SLC18B1: variants seen among roughly 807,000 people sequenced by gnomAD.
SLC18B1 encodes the protein MFS-type transporter SLC18B1.
Under a neutral mutation model 53.9 loss-of-function variants are expected in SLC18B1, and 62 were observed. That is an observed-to-expected ratio of 1.15 (90% CI 0.94 to 1.42). SLC18B1 has a LOEUF of 1.42. Ranked by LOEUF, SLC18B1 falls within the 40% of genes most tolerant of loss-of-function variation. The pLI is 0.00. For synonymous variants in SLC18B1, 217 were observed against 200.9 expected, an observed-to-expected ratio of 1.08 and a Z score of -0.68; for missense variants, 598 against 547.3, an observed-to-expected ratio of 1.09 and a Z score of -0.93.
chr6:132,779,285 G>A lies in SLC18B1; in HGVS notation c.778C>T (p.Leu260Phe), dbSNP rs768218299. Residue 260 changes from leucine (L) to phenylalanine (F), a missense_variant, in exon 7 of 14, where the codon CTC becomes TTC. Transcript: ENST00000275227. ...TAACTTACCTTCTCCAAAACAAAGAGAGACAGAGTAGGATCGAGGAAGCCA... is the reference window on the plus strand; with the variant it reads ...TAACTTACCTTCTCCAAAACAAAGAAAGACAGAGTAGGATCGAGGAAGCCA... ...CFGFLDPTLS[L>F]FVLEKFNLPA... is the part of the protein sequence containing the mutation. 1.2e-6 allele frequency: 2 copies of A among 1,613,996 alleles called. No homozygotes were observed. The highest frequency in any genetic ancestry group is 3.3e-5 in the Admixed American group (2 of 60,020).
At chr6:132,780,106 T>G (rs11965912) in intron 6 of SLC18B1, among the ~76,000 whole-genome samples, 1 of 151,726 alleles carries the variant, frequency 6.6e-6, no homozygotes, top group African/African-American at 2.4e-5. Flanking sequence ...TTTTCTTTTT[T>G]TTTTTTAAGA....
intron 2 of SLC18B1, among the ~76,000 whole-genome samples, chr6:132,790,882 A>G (rs1781506022): frequency 6.6e-6 from 1 of 152,186 alleles, no homozygotes. Flanking sequence ...CAGCCAAGGT[A>G]GTTTATCATC....
At chr6:132,785,425 A>C (rs1781344625) in intron 5 of SLC18B1, among the ~76,000 whole-genome samples, 1 of 152,252 alleles carries the variant, frequency 6.6e-6, no homozygotes, top group Non-Finnish European at 1.5e-5. Flanking sequence ...ATTTTAAATC[A>C]ATCTAGTTTT....
intron 2 of SLC18B1, among the ~76,000 whole-genome samples, chr6:132,792,280 A>AAAGAAAGAAAGAAAGAAAG (rs1554223267): frequency 6.3e-4 from 27 of 42,698 alleles, no homozygotes; most frequent in African/African-American, 3.2e-3. Flanking sequence ...AGAAAGAAAG[A>AAAGAAAGAAAGAAAGAAAG]AAGGAAGAAA....
intron 4 of SLC18B1, among the ~76,000 whole-genome samples, chr6:132,788,523 T>C (rs933578642): frequency 1.3e-5 from 2 of 152,132 alleles, no homozygotes; most frequent in Non-Finnish European, 2.9e-5. Context: ...TAAACCTTTT[T>C]AGAATATGTA....
At chr6:132,770,377 A>G (rs1347183270) in intron 13 of SLC18B1, 41 bp from the exon 14 acceptor site, 2 of 1,527,538 alleles carry the variant, frequency 1.3e-6, no homozygotes, top group African/African-American at 1.4e-5. Context: ...AATATTTCTC[A>G]TCTTAAAAAC....
chr6:132,791,947 G>A (rs1468792736), intron 2 of SLC18B1, among the ~76,000 whole-genome samples: 1 of 152,054 alleles, frequency 6.6e-6, no homozygotes, highest in Non-Finnish European at 1.5e-5. Flanking sequence ...AAATATGCGT[G>A]CCGGGCATGG....
At chr6:132,792,383 AGAAAGAAG>A (rs1221459058) in intron 2 of SLC18B1, among the ~76,000 whole-genome samples, 1 of 148,192 alleles carries the variant, frequency 6.7e-6, no homozygotes, top group Admixed American at 6.7e-5. Flanking sequence ...GGAAAGAAAG[AGAAAGAAG>A]GAAAGAAGGA....
chr6:132,777,089 C>T (rs1439464991), intron 7 of SLC18B1, among the ~76,000 whole-genome samples: 4 of 152,036 alleles, frequency 2.6e-5, no homozygotes, highest in Admixed American at 6.6e-5. Flanking sequence ...GGTGTGGTGG[C>T]GCATGGCTGT....
At chr6:132,795,839 C>T (rs1176477936) in intron 2 of SLC18B1, among the ~76,000 whole-genome samples, 1 of 152,174 alleles carries the variant, frequency 6.6e-6, no homozygotes, top group Non-Finnish European at 1.5e-5. Context: ...AAGGAATAGG[C>T]CCTATTAATC....
rs1781045601 is a variant in SLC18B1, at chr6:132,774,223, T to C, written c.988A>G (p.Ser330Gly). The part of the protein sequence containing the change: ...LGPVPILHIK[S>G]QLWLLVLILV... ...CATACAGAAGAAGAAAAAAATTACCTTTTAATATGCAAGATTGGGACAGGC... is the reference window on the plus strand; with the variant it reads ...CATACAGAAGAAGAAAAAAATTACCCTTTAATATGCAAGATTGGGACAGGC... The change falls in exon 9 of 14, where the codon AGT becomes GGT. Residue 330 changes from serine (S) to glycine (G), a missense_variant and splice_region_variant. Physicochemically the swap from Ser to Gly is moderately conservative, Grantham distance 56. Coordinates refer to ENST00000275227, the MANE Select transcript of SLC18B1 (RefSeq NM_052831.3). 6.3e-7 allele frequency: 1 copy of C among 1,590,026 alleles called. No homozygotes were observed. Among genetic ancestry groups the C allele is most frequent in the Non-Finnish European group, 8.5e-7 (1 of 1,170,034 alleles).
chr6:132,790,335 A>G, intron 2 of SLC18B1, 63 bp from the exon 3 acceptor site: 1 of 1,169,012 alleles, frequency 8.6e-7, no homozygotes, highest in South Asian at 1.5e-5. Flanking sequence ...GAAAAAATGG[A>G]AATAATAGAT....
intron 1 of SLC18B1, 112 bp downstream of exon 1, chr6:132,798,302 T>G: frequency 8.3e-7 from 1 of 1,210,836 alleles, no homozygotes; most frequent in Non-Finnish European, 1.1e-6. Context: ...GCCCCAGCCT[T>G]TTCCAATCTC....
Position 132,797,088 on chromosome 6 carries a change from G to A in SLC18B1, c.77C>T (p.Pro26Leu). ...DDPAGSAGETPGWLSREQVFV... is the reference protein window; with the variant it reads ...DDPAGSAGETLGWLSREQVFV... ...AACCTGTTCTCTCGAAAGCCACCCG[G>A]GGGTCTCTCCTGCACTTCCTGCAGG... The change falls in exon 2 of 14, where the codon CCC becomes CTC. Residue 26 changes from proline to leucine, a missense_variant. Transcript: ENST00000275227. The A allele has an allele frequency of 1.2e-6, 2 of 1,614,068 alleles. No homozygotes were observed. Among genetic ancestry groups the A allele is most frequent in the South Asian group, 1.1e-5 (1 of 91,064 alleles).
At chr6:132,777,248 A>T (rs758951850) in intron 7 of SLC18B1, among the ~76,000 whole-genome samples, 4 of 152,090 alleles carry the variant, frequency 2.6e-5, no homozygotes, top group Non-Finnish European at 4.4e-5. Context: ...CTCAAAAGCA[A>T]AAAAAGTTCT....
chr6:132,781,154 T>C (rs1205695290), intron 6 of SLC18B1, among the ~76,000 whole-genome samples: 1 of 152,214 alleles, frequency 6.6e-6, no homozygotes, highest in Non-Finnish European at 1.5e-5. Context: ...AAGAAATAAA[T>C]CATTATTGCA....
At chr6:132,783,782 T>C in intron 6 of SLC18B1, 151 bp downstream of exon 6, 3 of 570,470 alleles carry the variant, frequency 5.3e-6, no homozygotes, top group South Asian at 5.4e-5. Flanking sequence ...GAAATTCATA[T>C]AAACTAATTG....
chr6:132,776,009 C>T (rs927517769), intron 8 of SLC18B1, among the ~76,000 whole-genome samples: 1 of 152,180 alleles, frequency 6.6e-6, no homozygotes. Flanking sequence ...TTCAAGGCTG[C>T]AGTGAGCTAT....
chr6:132,770,355 G>C lies in SLC18B1; in HGVS notation c.1305-19C>G. 6 of 1,589,882 alleles carry C rather than the reference G, an allele frequency of 3.8e-6. No homozygotes were observed. Among genetic ancestry groups the C allele is most frequent in the Non-Finnish European group, 5.2e-6 (6 of 1,158,112 alleles). ...TTTAGACCTACATTGAGGGAAAGAA[G>C]AGATGAATCTCAATATTTCTCATCT... is the stretch of plus-strand genomic sequence containing the variant. On this transcript the variant is annotated intron_variant, in intron 13 of 13. Transcript: ENST00000275227.
Sources: allele counts gnomAD v4.1 joint callset (sites outside exome capture counted in the v4.1 genomes callset), GRCh38; gene constraint gnomAD v4.1.1; transcripts MANE v1.5; gene names NCBI Gene and HGNC (gene_info 2026-07-23, HGNC 2026-07-21).